TACR3: variants seen among roughly 807,000 people sequenced by gnomAD.
TACR3 encodes tachykinin receptor 3.
TACR3 carries 34 observed loss-of-function variants against 35.0 expected under a neutral mutation model. The observed-to-expected ratio is 0.97, with a 90% CI of 0.74 to 1.30. The LOEUF (loss-of-function observed/expected upper bound fraction) is 1.30. Among genes scored for constraint, TACR3 ranks in the 50% most tolerant of loss-of-function variants. TACR3 has a pLI of 0.00. For synonymous variants in TACR3, 233 were observed against 221.1 expected (o/e 1.05, Z -0.48); for missense variants, 558 against 591.7 (o/e 0.94, Z 0.59).
chr4:103,677,055 G>A (rs1026067894), intron 1 of TACR3, among the ~76,000 whole-genome samples: 4 of 152,082 alleles, frequency 2.6e-5, no homozygotes, highest in Admixed American at 1.3e-4. Flanking sequence ...CAAAGGACGA[G>A]AACAGACATT....
chr4:103,634,774 A>T (rs1473333334), intron 3 of TACR3, among the ~76,000 whole-genome samples: 2 of 152,106 alleles, frequency 1.3e-5, no homozygotes, highest in Non-Finnish European at 2.9e-5. Flanking sequence ...GTCTCTCAGT[A>T]TCCATAGCTA....
intron 1 of TACR3, among the ~76,000 whole-genome samples, chr4:103,700,638 T>C (rs1319432635): frequency 6.6e-6 from 1 of 152,182 alleles, no homozygotes; most frequent in Non-Finnish European, 1.5e-5. Flanking sequence ...CAGGACTCTC[T>C]TGCCAGAACT....
chr4:103,673,557 G>T (rs1289345337), intron 1 of TACR3, among the ~76,000 whole-genome samples: 1 of 151,990 alleles, frequency 6.6e-6, no homozygotes, highest in Non-Finnish European at 1.5e-5. Context: ...AATTACCAGA[G>T]TAACATCAAT....
At chr4:103,632,779 G>C (rs941720715) in intron 3 of TACR3, among the ~76,000 whole-genome samples, 1 of 151,860 alleles carries the variant, frequency 6.6e-6, no homozygotes, top group African/African-American at 2.4e-5. Flanking sequence ...TCTATTTCCA[G>C]AAAAGTGAAT....
intron 3 of TACR3, among the ~76,000 whole-genome samples, chr4:103,639,349 C>A (rs1235452726): frequency 1.3e-5 from 2 of 152,022 alleles, no homozygotes; most frequent in African/African-American, 4.8e-5. Context: ...GGACAAAAAA[C>A]CAAACACTGC....
At chr4:103,697,282 C>G (rs1278573143) in intron 1 of TACR3, among the ~76,000 whole-genome samples, 1 of 152,146 alleles carries the variant, frequency 6.6e-6, no homozygotes, top group African/African-American at 2.4e-5. Context: ...GACTGAAAAG[C>G]TAGCAGCTAA....
At chr4:103,619,813 G>C (rs1578229543) in intron 3 of TACR3, among the ~76,000 whole-genome samples, 1 of 152,132 alleles carries the variant, frequency 6.6e-6, no homozygotes, top group East Asian at 1.9e-4. Context: ...GTTGTGTGGT[G>C]AATCACAATT....
chr4:103,684,712 C>T (rs569267563), intron 1 of TACR3, among the ~76,000 whole-genome samples: 16 of 152,026 alleles, frequency 1.1e-4, no homozygotes, highest in Non-Finnish European at 1.9e-4. Context: ...TCTAAAATAT[C>T]TATTAAGGCT....
intron 1 of TACR3, among the ~76,000 whole-genome samples, chr4:103,688,059 A>G (rs1722296760): frequency 6.6e-6 from 1 of 152,224 alleles, no homozygotes; most frequent in Non-Finnish European, 1.5e-5. Context: ...GATATAGATC[A>G]ATGGAACAGA....
intron 1 of TACR3, among the ~76,000 whole-genome samples, chr4:103,698,336 C>T (rs1352175045): frequency 1.3e-5 from 2 of 152,028 alleles, no homozygotes; most frequent in African/African-American, 4.8e-5. Flanking sequence ...AATATAAATA[C>T]TCAATTTCAT....
chr4:103,597,217 A>G (rs1265043380), intron 3 of TACR3, among the ~76,000 whole-genome samples: 5 of 148,208 alleles, frequency 3.4e-5, no homozygotes, highest in African/African-American at 7.5e-5. Flanking sequence ...CAGTCCCACC[A>G]ACAGTGTAAA....
intron 3 of TACR3, among the ~76,000 whole-genome samples, chr4:103,627,814 T>G (rs923142708): frequency 6.6e-6 from 1 of 152,058 alleles, no homozygotes; most frequent in African/African-American, 2.4e-5. Context: ...TCTGCATAAC[T>G]CTCCACCCCC....
chr4:103,632,738 A>G (rs1725096453), intron 3 of TACR3, among the ~76,000 whole-genome samples: 1 of 152,128 alleles, frequency 6.6e-6, no homozygotes, highest in African/African-American at 2.4e-5. Flanking sequence ...TGAAGAAAGA[A>G]TAAATCAATA....
intron 3 of TACR3, among the ~76,000 whole-genome samples, chr4:103,642,132 A>C (rs775165366): frequency 2.0e-5 from 3 of 151,710 alleles, no homozygotes; most frequent in Non-Finnish European, 4.4e-5. Flanking sequence ...ATGTTCTCAC[A>C]ACAAAAAAAG....
intron 1 of TACR3, among the ~76,000 whole-genome samples, chr4:103,695,450 GTA>G (rs762316320): frequency 6.6e-6 from 1 of 152,028 alleles, no homozygotes; most frequent in Non-Finnish European, 1.5e-5. Flanking sequence ...TTAATGAATA[GTA>G]TATTTTCTCT....
Position 103,587,613 on chromosome 4 carries a change from G to C in TACR3, c.*2069C>G, listed in dbSNP as rs565854933. On this transcript the variant is annotated 3_prime_UTR_variant, in exon 5 of 5. Transcript: ENST00000304883. ...AGTGGCTGATGACATTAAATTTGAG[G>C]GCTAAACTTCATATTCATATTTTAC... 3 of 151,824 alleles carry C rather than the reference G, an allele frequency of 2.0e-5. No individual in the cohort carries two copies. The East Asian group carries it at 5.8e-4, about 29-fold the overall frequency. The allele number at this position is 151,824 out of a possible 1,614,324, so 9.4% of individuals were successfully genotyped here.
At chr4:103,703,708 G>A (rs947875234) in intron 1 of TACR3, among the ~76,000 whole-genome samples, 3 of 152,070 alleles carry the variant, frequency 2.0e-5, no homozygotes, top group Non-Finnish European at 2.9e-5. Context: ...GGGAAGAAAG[G>A]GTATGCACAA....
chr4:103,623,183 TTAAAA>T (rs1724821308), intron 3 of TACR3, among the ~76,000 whole-genome samples: 1 of 152,106 alleles, frequency 6.6e-6, no homozygotes. Flanking sequence ...TGAAGAAGAT[TTAAAA>T]TAAATACATT....
intron 1 of TACR3, among the ~76,000 whole-genome samples, chr4:103,705,266 AATTTC>A (rs1287995454): frequency 2.6e-5 from 4 of 152,186 alleles, no homozygotes; most frequent in Non-Finnish European, 4.4e-5. Context: ...TAAAAATTGC[AATTTC>A]ATAAAAAATA....
Sources: allele counts gnomAD v4.1 joint callset (sites outside exome capture counted in the v4.1 genomes callset), GRCh38; gene constraint gnomAD v4.1.1; transcripts MANE v1.5; gene names NCBI Gene and HGNC (gene_info 2026-07-23, HGNC 2026-07-21).